The following ABCA12 variants were observed in gnomAD, a reference collection of about 807,000 sequenced individuals.
The protein encoded by ABCA12 is glucosylceramide transporter ABCA12.
ABCA12 carries 156 observed loss-of-function variants against 293.5 expected under a neutral mutation model. The ratio of observed to expected loss-of-function variants is 0.53; its 90% CI spans 0.47 to 0.61. The LOEUF is 0.61. Ranked by LOEUF, ABCA12 falls within the 20% of genes least tolerant of loss-of-function variation. The pLI is 0.00. For synonymous variants in ABCA12, 1,063 were observed against 1,108.0 expected (o/e 0.96, Z 0.81); for missense variants, 2,797 against 3,090.2 (o/e 0.91, Z 2.25).
chr2:215,097,809 G>A (rs977570265), intron 2 of ABCA12, among the ~76,000 whole-genome samples: 1 of 152,154 alleles, frequency 6.6e-6, no homozygotes, highest in South Asian at 2.1e-4. Context: ...AAATACACTG[G>A]TCCCTGTTAT....
chr2:214,979,962 G>C (rs1699610549), intron 31 of ABCA12, among the ~76,000 whole-genome samples: 1 of 152,176 alleles, frequency 6.6e-6, no homozygotes, highest in Non-Finnish European at 1.5e-5. Flanking sequence ...TTCTCCAAAA[G>C]ATGTAAAGGC....
chr2:215,114,386 T>C (rs1489344636), intron 1 of ABCA12, among the ~76,000 whole-genome samples: 1 of 152,244 alleles, frequency 6.6e-6, no homozygotes, highest in Non-Finnish European at 1.5e-5. Context: ...TTAAAGGAGC[T>C]GTAGGTTTGA....
chr2:214,974,999 G>C, intron 34 of ABCA12, 135 bp from the exon 35 acceptor site: 1 of 797,050 alleles, frequency 1.3e-6, no homozygotes. Context: ...GTCTTGCCGT[G>C]TTGCCCAGGC....
chr2:215,051,562 A>G (rs1316223013), intron 5 of ABCA12, among the ~76,000 whole-genome samples: 1 of 150,580 alleles, frequency 6.6e-6, no homozygotes. Flanking sequence ...TGATCAGATA[A>G]AAGAAATGGT....
chr2:215,019,325 TG>T lies in ABCA12; in HGVS notation c.1657+10del. ...AATAAGACAAGATTTAAAATGTGGATGGGGAAACACCTGGCTTTTCAGAAGC... is the reference window on the plus strand; with the variant it reads ...AATAAGACAAGATTTAAAATGTGGATGGGAAACACCTGGCTTTTCAGAAGC... On this transcript the variant is annotated intron_variant, in intron 13 of 52. Coordinates refer to ENST00000272895, the MANE Select transcript of ABCA12 (RefSeq NM_173076.3). The T allele has an allele frequency of 2.5e-6, 4 of 1,596,880 alleles. No individual in the cohort carries two copies. Among genetic ancestry groups the T allele is most frequent in the Non-Finnish European group, 3.4e-6 (4 of 1,166,194 alleles).
chr2:214,942,974 C>G lies in ABCA12; in HGVS notation c.7387G>C (p.Val2463Leu). ...CCAATACATTGAAACTTTCCATTCA[C>G]CATAATGGCCAACCTGGTACAGAGA... is the stretch of plus-strand genomic sequence containing the variant. ...EALCTRLAIM[V>L]NGKFQCIGSL... Residue 2463 changes from valine (V) to leucine (L), a missense_variant, in exon 50 of 53, where the codon GTG becomes CTG. This residue lies in a region of ABCA12 where 2,130 missense variants were observed against 2,427.0 expected (regional missense o/e 0.88). Coordinates refer to ENST00000272895, the MANE Select transcript of ABCA12 (RefSeq NM_173076.3). The G allele has an allele frequency of 6.2e-7, 1 of 1,613,502 alleles. No individual in the cohort carries two copies. The highest frequency in any genetic ancestry group is 8.5e-7 in the Non-Finnish European group (1 of 1,179,820).
intron 45 of ABCA12, among the ~76,000 whole-genome samples, chr2:214,949,418 A>G (rs555049374): frequency 1.3e-5 from 2 of 150,982 alleles, no homozygotes; most frequent in East Asian, 1.9e-4. Context: ...CCTATTTTAC[A>G]TGTTATGTTA....
chr2:215,118,389 G>C (rs1575055993), intron 1 of ABCA12, among the ~76,000 whole-genome samples: 1 of 151,932 alleles, frequency 6.6e-6, no homozygotes, highest in Non-Finnish European at 1.5e-5. Context: ...GTGACAGAGT[G>C]AGACTCCGTC....
chr2:215,019,421 A>T lies in ABCA12; in HGVS notation c.1572T>A (p.Asn524Lys), dbSNP rs1700575958. 1 of 1,613,914 alleles carries T rather than the reference A, an allele frequency of 6.2e-7. No homozygotes were observed. The highest frequency in any genetic ancestry group is 8.5e-7 in the Non-Finnish European group (1 of 1,179,988). ...DQFLEQALQMNYLENITQLIP... is the reference protein window; with the variant it reads ...DQFLEQALQMKYLENITQLIP... ...TTAACTGAGTGATATTTTCCAAGTA[A>T]TTCATTTGCAGTGCCTGTTCTAGAA... Residue 524 changes from asparagine to lysine, a missense_variant, in exon 13 of 53, where the codon AAT (asparagine) becomes AAA (lysine). Asn to Lys is a moderately conservative substitution (Grantham distance 94). Coordinates refer to ENST00000272895, the MANE Select transcript of ABCA12 (RefSeq NM_173076.3).
chr2:215,105,506 A>C (rs557395005), intron 2 of ABCA12, among the ~76,000 whole-genome samples: 1 of 152,030 alleles, frequency 6.6e-6, no homozygotes, highest in East Asian at 1.9e-4. Flanking sequence ...GTGAAACCTA[A>C]TGGGCCCAAA....
intron 8 of ABCA12, among the ~76,000 whole-genome samples, chr2:215,036,538 T>C (rs1317860468): frequency 6.6e-6 from 1 of 152,188 alleles, no homozygotes; most frequent in Admixed American, 6.5e-5. Context: ...GGACATTTTG[T>C]GACTCACTAC....
chr2:215,099,649 C>T lies in ABCA12; in HGVS notation c.163+11948G>A, dbSNP rs575468367. Among the ~76,000 whole-genome samples, 15 of 148,696 alleles carry T rather than the reference C, an allele frequency of 1.0e-4. No homozygotes were observed. The South Asian group carries it at 1.3e-3, about 13-fold the overall frequency. On this transcript the variant is annotated intron_variant, in intron 2 of 52. Transcript: ENST00000272895. ...TGGAGGTTGTAGTGAGCCCACATCA[C>T]GCCACTGCACTCCAGCTTGGTGACA...
intron 1 of ABCA12, among the ~76,000 whole-genome samples, chr2:215,123,632 T>C (rs1702855316): frequency 1.3e-5 from 2 of 152,206 alleles, no homozygotes. Context: ...TTATTTTCAA[T>C]TTCTTGAGAT....
intron 50 of ABCA12, among the ~76,000 whole-genome samples, chr2:214,941,946 G>T (rs572499723): frequency 1.3e-5 from 2 of 152,182 alleles, no homozygotes; most frequent in Admixed American, 1.3e-4. Context: ...GGGGCATTTA[G>T]CCCGTTTACA....
chr2:215,054,616 T>G lies in ABCA12; in HGVS notation c.366A>C (p.Ser122=). 2 of 1,612,248 alleles carry G rather than the reference T, an allele frequency of 1.2e-6. No individual in the cohort carries two copies. The highest frequency in any genetic ancestry group is 1.7e-6 in the Non-Finnish European group (2 of 1,178,642). ...SSNLDKDSSL[S]FQSTQVPERR... ...TTTCTGGAACTTGGGTGCTCTGGAA[T>G]GATAAACTGCTGTCCTTATCCAGGT... Residue 122 remains serine (S), a synonymous_variant, in exon 4 of 53, where the codon TCA becomes TCC. Transcript: ENST00000272895.
At chr2:214,984,698 C>T (rs1025500139) in intron 28 of ABCA12, among the ~76,000 whole-genome samples, 2 of 152,102 alleles carry the variant, frequency 1.3e-5, no homozygotes, top group Non-Finnish European at 2.9e-5. Flanking sequence ...ACTGGTTGCA[C>T]GAGACTGGAA....
chr2:215,117,882 A>G (rs1490076091), intron 1 of ABCA12, among the ~76,000 whole-genome samples: 1 of 152,222 alleles, frequency 6.6e-6, no homozygotes, highest in South Asian at 2.1e-4. Context: ...CATCAGACTC[A>G]TGGAGGTGTT....
intron 23 of ABCA12, among the ~76,000 whole-genome samples, chr2:214,996,515 C>T (rs1183425490): frequency 1.3e-5 from 2 of 152,098 alleles, no homozygotes; most frequent in Non-Finnish European, 2.9e-5. Context: ...GAGGGGCTTG[C>T]AATCATAATT....
rs1346407339 is a variant in ABCA12 at position 214,987,721 on chromosome 2, G to A, written c.3902C>T (p.Ala1301Val). The A allele has an allele frequency of 1.2e-6, 2 of 1,613,832 alleles. No individual in the cohort carries two copies. The highest frequency in any genetic ancestry group is 1.7e-6 in the Non-Finnish European group (2 of 1,179,970). Residue 1301 changes from alanine (A) to valine (V), a missense_variant, in exon 27 of 53, where the codon GCA becomes GTA. This residue lies in a region of ABCA12 where 2,130 missense variants were observed against 2,427.0 expected (regional missense o/e 0.88). Transcript: ENST00000272895. ...PSYWKERFGC[A>V]EVKPEKSNGL... ...ATTGCTCTTCTCAGGCTTCACCTCT[G>A]CACACCCAAATCGCTCCTTCCAATA...
Sources: gnomAD v4.1 joint callset for allele counts (sites outside exome capture counted in the v4.1 genomes callset) on GRCh38, gnomAD v4.1.1 for gene constraint, gnomAD v4.1.1 regional missense constraint, MANE v1.5 for transcripts, NCBI Gene and HGNC (gene_info 2026-07-23, HGNC 2026-07-21) for gene names.